Variants in RAB11FIP4 observed in about 807,000 individuals in gnomAD.
RAB11FIP4 encodes the protein rab11 family-interacting protein 4.
RAB11FIP4 carries 23 observed loss-of-function variants against 74.3 expected under a neutral mutation model. The observed-to-expected ratio is 0.31, with a 90% confidence interval of 0.22 to 0.44. RAB11FIP4 has a LOEUF of 0.44. Among genes scored for constraint, RAB11FIP4 ranks in the 20% least tolerant of loss-of-function variants. The pLI, the probability that RAB11FIP4 is intolerant of heterozygous loss-of-function variation, is 1.00. For synonymous variants in RAB11FIP4, 360 were observed against 359.9 expected (o/e 1.00, Z 0.00); for missense variants, 630 against 863.9 (o/e 0.73, Z 3.39).
chr17:31,479,101 C>A (rs905379874), intron 3 of RAB11FIP4, among the ~76,000 whole-genome samples: 1 of 152,198 alleles, frequency 6.6e-6, no homozygotes, highest in South Asian at 2.1e-4. Context: ...TTATTTGTTT[C>A]ATGAGTGCAG....
intron 1 of RAB11FIP4, among the ~76,000 whole-genome samples, chr17:31,396,951 G>C (rs776063236): frequency 3.3e-5 from 5 of 152,150 alleles, no homozygotes; most frequent in Admixed American, 1.3e-4. Context: ...CTGAGCTAAT[G>C]CCTGCTATGG....
chr17:31,478,555 A>G (rs1163989498), intron 3 of RAB11FIP4, among the ~76,000 whole-genome samples: 5 of 152,086 alleles, frequency 3.3e-5, no homozygotes, highest in Non-Finnish European at 7.4e-5. Flanking sequence ...CCACAGATCA[A>G]TTTCTTGCTA....
At chr17:31,447,719 C>T (rs373330181) in intron 3 of RAB11FIP4, among the ~76,000 whole-genome samples, 1 of 152,104 alleles carries the variant, frequency 6.6e-6, no homozygotes, top group South Asian at 2.1e-4. Flanking sequence ...GACGGGGTTT[C>T]ACCATGTTGG....
chr17:31,527,716 C>A, intron 10 of RAB11FIP4, 126 bp from the exon 11 acceptor site: 2 of 661,960 alleles, frequency 3.0e-6, no homozygotes, highest in Non-Finnish European at 5.2e-6. Flanking sequence ...TAATCATATT[C>A]TTTCTCTCAG....
At chr17:31,469,359 G>T (rs1184142376) in intron 3 of RAB11FIP4, among the ~76,000 whole-genome samples, 1 of 152,192 alleles carries the variant, frequency 6.6e-6, no homozygotes, top group Non-Finnish European at 1.5e-5. Flanking sequence ...GCCAGGCACG[G>T]TGGCCCATGC....
At chr17:31,470,081 G>T (rs1567666555) in intron 3 of RAB11FIP4, among the ~76,000 whole-genome samples, 1 of 152,198 alleles carries the variant, frequency 6.6e-6, no homozygotes, top group African/African-American at 2.4e-5. Flanking sequence ...AGGCCACACA[G>T]TCTAATCTCC....
chr17:31,527,673 A>G lies in RAB11FIP4; in HGVS notation c.1275-169A>G. ...TCCTTACTATTTTGCTTTGGCTGAT[A>G]GGAAGCTCACGGCTAAATTGTCTTT... On this transcript the variant is annotated intron_variant, in intron 10 of 14. Coordinates refer to ENST00000621161, the MANE Select transcript of RAB11FIP4 (RefSeq NM_032932.6). The G allele has an allele frequency of 7.1e-6, 4 of 563,758 alleles. No homozygotes were observed. In the South Asian group the frequency reaches 1.1e-4, roughly 15 times the overall value. 34.9% of individuals were successfully genotyped at this position (563,758 alleles called of 1,614,324 possible).
intron 1 of RAB11FIP4, among the ~76,000 whole-genome samples, chr17:31,415,801 T>G (rs1395096496): frequency 2.6e-5 from 4 of 152,036 alleles, no homozygotes; most frequent in African/African-American, 9.7e-5. Flanking sequence ...CTTTCTCACC[T>G]CAGCCCCCCT....
chr17:31,398,627 G>A (rs767962394), intron 1 of RAB11FIP4, among the ~76,000 whole-genome samples: 8 of 152,220 alleles, frequency 5.3e-5, no homozygotes, highest in Non-Finnish European at 8.8e-5. Context: ...CCTTATGGGC[G>A]TCCAGCCCAT....
intron 3 of RAB11FIP4, chr17:31,465,977 T>TAA (rs11394320): frequency 0.55 from 75,719 of 138,188 alleles, 21,945 homozygotes; most frequent in Non-Finnish European, 0.64. Context: ...TGCTAAAAAT[T>TAA]AAAAAAAAAA....
intron 3 of RAB11FIP4, among the ~76,000 whole-genome samples, chr17:31,474,663 C>A (rs1160366939): frequency 1.2e-5 from 1 of 86,598 alleles, no homozygotes; most frequent in Admixed American, 1.2e-4. Context: ...AGCTAGACTC[C>A]ATCTCAAAAA....
chr17:31,405,590 C>G (rs1337571952), intron 1 of RAB11FIP4, among the ~76,000 whole-genome samples: 1 of 152,188 alleles, frequency 6.6e-6, no homozygotes, highest in Non-Finnish European at 1.5e-5. Context: ...CAAGGCTGGT[C>G]TGGAACTCCT....
chr17:31,444,042 A>G (rs1039946229), intron 3 of RAB11FIP4, among the ~76,000 whole-genome samples: 2 of 152,238 alleles, frequency 1.3e-5, no homozygotes, highest in African/African-American at 4.8e-5. Context: ...AGTTTTTAAA[A>G]TGATGATAAC....
chr17:31,525,395 C>A (rs2072747983), intron 10 of RAB11FIP4, 165 bp downstream of exon 10: 6 of 673,318 alleles, frequency 8.9e-6, no homozygotes, highest in Non-Finnish European at 1.5e-5. Flanking sequence ...ACGAGAAACA[C>A]AGAGGCATGC....
chr17:31,524,275 G>T, intron 9 of RAB11FIP4: 1 of 421,362 alleles, frequency 2.4e-6, no homozygotes, highest in Non-Finnish European at 4.4e-6. Context: ...TGGGAGTGGG[G>T]ATCCACTGTG....
intron 3 of RAB11FIP4, among the ~76,000 whole-genome samples, chr17:31,467,099 C>CTTTCT (rs137979635): frequency 0.53 from 79,464 of 148,888 alleles, 22,869 homozygotes; most frequent in Non-Finnish European, 0.64. Flanking sequence ...CTGAGTATTT[C>CTTTCT]TTTCTTTTCT....
At chr17:31,437,275 C>T (rs919532959) in intron 3 of RAB11FIP4, among the ~76,000 whole-genome samples, 1 of 152,158 alleles carries the variant, frequency 6.6e-6, no homozygotes, top group Non-Finnish European at 1.5e-5. Context: ...ATCCGAAGAC[C>T]AGCCTGACGG....
In RAB11FIP4 at chr17:31,502,902, C is replaced by T. The variant is rs140275800; in HGVS notation, c.337-14749C>T. On this transcript the variant is annotated intron_variant, in intron 3 of 14. Coordinates refer to ENST00000621161, the MANE Select transcript of RAB11FIP4 (RefSeq NM_032932.6). ...TGGCTTGCAGACAGCCATCTTCTCC[C>T]TGTGTCGTCACATGGTCTTTCCTTT... Among the ~76,000 whole-genome samples, 147 of 152,310 alleles carry T rather than the reference C, an allele frequency of 9.7e-4. 1 individual carries two copies. The highest frequency in any genetic ancestry group is 3.5e-3 in the African/African-American group (144 of 41,560).
chr17:31,450,011 C>T (rs178865), intron 3 of RAB11FIP4, among the ~76,000 whole-genome samples: 88,454 of 152,082 alleles, frequency 0.58, 26,513 homozygotes, highest in African/African-American at 0.71. Context: ...TTTGGGAACA[C>T]TCGATAGTCT....
Sources: gnomAD v4.1 joint callset for allele counts (sites outside exome capture counted in the v4.1 genomes callset) on GRCh38, gnomAD v4.1.1 for gene constraint, MANE v1.5 for transcripts, NCBI Gene and HGNC (gene_info 2026-07-23, HGNC 2026-07-21) for gene names.